The following USP21 variants were observed in gnomAD, a reference collection of about 807,000 sequenced individuals.
USP21 encodes ubiquitin carboxyl-terminal hydrolase 21.
A neutral mutation model predicts 70.8 loss-of-function variants in USP21; 37 were observed. That is an observed-to-expected ratio of 0.52 (90% confidence interval 0.40 to 0.69). The LOEUF (loss-of-function observed/expected upper bound fraction) is 0.69, where lower values mean the gene tolerates loss of function less well. Among genes scored for constraint, USP21 ranks in the 30% least tolerant of loss-of-function variants. The pLI, the probability that USP21 is intolerant of heterozygous loss-of-function variation, is 0.00. For missense variants in USP21, 584 were observed against 740.8 expected, an observed-to-expected ratio of 0.79 and a Z score of 2.46; for synonymous variants, 263 against 283.1, an observed-to-expected ratio of 0.93 and a Z score of 0.71.
intron 1 of USP21, 77 bp from the exon 2 acceptor site, chr1:161,160,289 C>T: frequency 3.4e-6 from 1 of 297,336 alleles, no homozygotes; most frequent in Admixed American, 4.7e-5. Context: ...GGGTCAAAGC[C>T]ATGGGCTGCT....
rs1190556294 is a variant in USP21, at chr1:161,160,444, G to A, written c.-84G>A. The A allele has an allele frequency of 2.9e-6, 2 of 682,950 alleles. No homozygotes were observed. The highest frequency in any genetic ancestry group is 1.8e-5 in the South Asian group (1 of 56,424). The allele number at this position is 682,950 out of a possible 1,614,324, so 42.3% of individuals were successfully genotyped here. A position where few individuals can be genotyped will look rare whatever the true frequency, so the allele number is the denominator to read the frequency against. On this transcript the variant is annotated 5_prime_UTR_variant, in exon 2 of 14. The change creates a new upstream start codon in the 5' untranslated region. Coordinates refer to ENST00000368002, the MANE Select transcript of USP21 (RefSeq NM_001014443.3). ...TATACTGCTCCCCACTTTCGTTGAT[G>A]TGGTAGTGGTGATGACTGAGCCAAC...
Position 161,163,583 on chromosome 1 carries a change from A to G in USP21, c.1078A>G (p.Lys360Glu), listed in dbSNP as rs146775306. 2.1e-4 allele frequency: 336 copies of G among 1,612,600 alleles called. No homozygotes were observed. Among genetic ancestry groups the G allele is most frequent in the Non-Finnish European group, 1.6e-4 (192 of 1,179,592 alleles). ...SDDDRANLMW[K>E]RYLEREDSKI... ...TGATGACCGAGCCAACCTAATGTGG[A>G]AACGTTACCTGGAGCGAGAGGACAG... Residue 360 changes from lysine to glutamate, a missense_variant, in exon 8 of 14, where the codon AAA becomes GAA. Transcript: ENST00000368002.
intron 1 of USP21, 92 bp from the exon 2 acceptor site, chr1:161,160,274 A>G (rs1444420015): frequency 3.8e-6 from 1 of 262,722 alleles, no homozygotes; most frequent in Non-Finnish European, 7.4e-6. Context: ...TCGGGAGTAT[A>G]GAAAGGGTCA....
intron 13 of USP21, 36 bp downstream of exon 13, chr1:161,165,179 C>T (rs1658498553): frequency 6.3e-7 from 1 of 1,579,310 alleles, no homozygotes. Flanking sequence ...CTGCCCCATT[C>T]CCACTCAGCC....
rs752768895 is a variant in USP21, at chr1:161,161,152, G to A, written c.512G>A (p.Ser171Asn). 2.5e-6 allele frequency: 4 copies of A among 1,613,904 alleles called. No individual in the cohort carries two copies. Among genetic ancestry groups the A allele is most frequent in the Admixed American group, 1.7e-5 (1 of 59,998 alleles). Residue 171 changes from serine (S) to asparagine (N), a missense_variant, in exon 3 of 14, where the codon AGC (serine) becomes AAC (asparagine). Around this residue, in one of 4 missense-constraint regions of USP21, gnomAD observed 284 missense variants for 281.0 expected, o/e 1.01. Coordinates refer to ENST00000368002, the MANE Select transcript of USP21 (RefSeq NM_001014443.3). This position sits in a 1 kb window ranked among gnomAD's most constrained non-coding sequence, Gnocchi z 4.2. ...GGFPGPPTLF[S>N]IRTEPPASHG... is the part of the protein sequence containing the mutation. ...TTTCCTGGACCCCCTACCCTGTTCA[G>A]CATACGGACAGAGCCCCCTGCTTCC...
Position 161,163,741 on chromosome 1 carries a change from G to A in USP21, c.1114+122G>A, listed in dbSNP as rs549220645. The A allele has an allele frequency of 2.2e-6, 3 of 1,346,900 alleles. No homozygotes were observed. In the South Asian group the frequency reaches 3.6e-5, roughly 16 times the overall value. The allele number at this position is 1,346,900 out of a possible 1,614,324, so 83.4% of individuals were successfully genotyped here. A position where few individuals can be genotyped will look rare whatever the true frequency, so the allele number is the denominator to read the frequency against. On this transcript the variant is annotated intron_variant, in intron 8 of 13. Transcript: ENST00000368002. The stretch of plus-strand genomic sequence containing the variant: ...GACTGGATGATGCAAATGTGAAGCT[G>A]TGTGAAGAGTTGATTAGGAGTGTTG...
Position 161,162,427 on chromosome 1 carries a change from C to G in USP21, c.781+37C>G. On this transcript the variant is annotated intron_variant, in intron 5 of 13. Coordinates refer to ENST00000368002, the MANE Select transcript of USP21 (RefSeq NM_001014443.3). The surrounding 1 kb of genome is among the most constrained non-coding windows in gnomAD (Gnocchi z 4.1). ...ACTCCTGCTCCCTCTGTTCAAGTCC[C>G]TTTTTCCCCAACCACTTGCAGGTCC... The G allele has an allele frequency of 5.1e-6, 8 of 1,572,112 alleles. No individual in the cohort carries two copies. The highest frequency in any genetic ancestry group is 6.9e-6 in the Non-Finnish European group (8 of 1,157,266).
chr1:161,162,884 G>C lies in USP21; in HGVS notation c.894-35G>C. On this transcript the variant is annotated intron_variant, in intron 6 of 13. Coordinates refer to ENST00000368002, the MANE Select transcript of USP21 (RefSeq NM_001014443.3). This position sits in a 1 kb window ranked among gnomAD's most constrained non-coding sequence, Gnocchi z 4.1. ...GGAATAGTGTCTGTGGACTAGGAGA[G>C]GAGTCAGTTGCCCATACTCTTTGTC... 1.3e-6 allele frequency: 2 copies of C among 1,598,738 alleles called. No homozygotes were observed. The highest frequency in any genetic ancestry group is 1.7e-6 in the Non-Finnish European group (2 of 1,170,796).
Position 161,160,656 on chromosome 1 carries a change from G to C in USP21, c.16G>C (p.Glu6Gln). MPQAS[E>Q]HRLGRTREPP... is the part of the protein sequence containing the mutation. ...GGTGTCCACAATGCCCCAGGCCTCT[G>C]AGCACCGCCTGGGCCGTACCCGAGA... is the stretch of plus-strand genomic sequence containing the variant. The change falls in exon 3 of 14, where the codon GAG becomes CAG. Residue 6 changes from glutamate (E) to glutamine (Q), a missense_variant. By Grantham distance (29) the Glu-to-Gln change is conservative. Transcript: ENST00000368002. 1 of 1,613,172 alleles carries C rather than the reference G, an allele frequency of 6.2e-7. No individual in the cohort carries two copies. The highest frequency in any genetic ancestry group is 8.5e-7 in the Non-Finnish European group (1 of 1,179,358).
At position 161,165,564 on chromosome 1, in the gene USP21, G is replaced by T; in HGVS notation, c.*117G>T. The T allele has an allele frequency of 9.3e-5, 30 of 322,644 alleles. No individual in the cohort carries two copies. Among genetic ancestry groups the T allele is most frequent in the East Asian group, 2.5e-4 (3 of 11,906 alleles). 20.0% of individuals were successfully genotyped at this position (322,644 alleles called of 1,614,324 possible). A position where few individuals can be genotyped will look rare whatever the true frequency, so the allele number is the denominator to read the frequency against. On this transcript the variant is annotated 3_prime_UTR_variant, in exon 14 of 14. Coordinates refer to ENST00000368002, the MANE Select transcript of USP21 (RefSeq NM_001014443.3). ...TTTAATCGGGGAGGGGGGAGGGGGTGGTTGTAGCTCCATTATTTTTTTTAT... is the reference window on the plus strand; with the variant it reads ...TTTAATCGGGGAGGGGGGAGGGGGTTGTTGTAGCTCCATTATTTTTTTTAT...
In USP21 at chr1:161,164,577, T is replaced by C; in HGVS notation, c.1349T>C (p.Leu450Ser). ...CAGAAAACTCGAAGTACCAAAAAGT[T>C]GACAGTACAAAGATTCCCTCGAATC... The part of the protein sequence containing the change: ...CRQKTRSTKK[L>S]TVQRFPRILV... The change falls in exon 11 of 14, where the codon TTG becomes TCG. Residue 450 changes from leucine (L) to serine (S), a missense_variant. Physicochemically the swap from Leu to Ser is moderately radical, Grantham distance 145. Transcript: ENST00000368002. This position sits in a 1 kb window ranked among gnomAD's most constrained non-coding sequence, Gnocchi z 4.2. The C allele has an allele frequency of 6.2e-7, 1 of 1,614,200 alleles. No homozygotes were observed. The highest frequency in any genetic ancestry group is 8.5e-7 in the Non-Finnish European group (1 of 1,180,036).
chr1:161,162,137 G>A lies in USP21; in HGVS notation c.660+40G>A. ...CCTATCTTTCCTCTCTAAAAGGAAT[G>A]TGAAATGGTGCTGGGGGTGGGGAAA... is the stretch of plus-strand genomic sequence containing the variant. On this transcript the variant is annotated intron_variant, in intron 4 of 13. Transcript: ENST00000368002. This position sits in a 1 kb window ranked among gnomAD's most constrained non-coding sequence, Gnocchi z 4.1. 6.2e-7 allele frequency: 1 copy of A among 1,613,648 alleles called. No individual in the cohort carries two copies. The highest frequency in any genetic ancestry group is 8.5e-7 in the Non-Finnish European group (1 of 1,179,568).
In USP21 at chr1:161,162,438, A is replaced by C. The variant is rs777261646; in HGVS notation, c.781+48A>C. ...CTCTGTTCAAGTCCCTTTTTCCCCA[A>C]CCACTTGCAGGTCCATCTGCCACTG... On this transcript the variant is annotated intron_variant, in intron 5 of 13. Coordinates refer to ENST00000368002, the MANE Select transcript of USP21 (RefSeq NM_001014443.3). The surrounding 1 kb of genome is among the most constrained non-coding windows in gnomAD (Gnocchi z 4.1). 19 of 1,566,750 alleles carry C rather than the reference A, an allele frequency of 1.2e-5. No individual in the cohort carries two copies. The highest frequency in any genetic ancestry group is 1.6e-5 in the Non-Finnish European group (19 of 1,154,838).
chr1:161,164,233 G>C lies in USP21; in HGVS notation c.1288G>C (p.Glu430Gln). ...FNLFTKEEELESENAPVCDRC... is the reference protein window; with the variant it reads ...FNLFTKEEELQSENAPVCDRC... ...CCTTTTCACTAAGGAAGAAGAGCTA[G>C]AGTCGGAGAATGCCCCAGTATGTGG... The change falls in exon 10 of 14, where the codon GAG (glutamate) becomes CAG (glutamine). Residue 430 changes from glutamate to glutamine, a missense_variant. This residue lies in a region of USP21 where 173 missense variants were observed against 268.2 expected (regional missense o/e 0.65). Transcript: ENST00000368002. The surrounding 1 kb of genome is among the most constrained non-coding windows in gnomAD (Gnocchi z 4.2). 1.2e-6 allele frequency: 2 copies of C among 1,614,222 alleles called. No individual in the cohort carries two copies. Among genetic ancestry groups the C allele is most frequent in the Non-Finnish European group, 1.7e-6 (2 of 1,180,042 alleles).
intron 13 of USP21, 25 bp from the exon 14 acceptor site, chr1:161,165,332 C>T (rs1210829607): frequency 6.2e-7 from 1 of 1,607,344 alleles, no homozygotes; most frequent in East Asian, 2.2e-5. Context: ...GACCACAACC[C>T]TTTCCCGATC....
At position 161,159,698 on chromosome 1, in the gene USP21, G is replaced by C. The variant is rs1298282942; in HGVS notation, c.-163+20G>C. Reference sequence around the variant, plus strand: ...GGACAGGTACGGGCCGGGGCGTTATGGCATGGCGGGGTGTGGGGGGGCGCA... The same window carrying C: ...GGACAGGTACGGGCCGGGGCGTTATCGCATGGCGGGGTGTGGGGGGGCGCA... On this transcript the variant is annotated intron_variant, in intron 1 of 13. Coordinates refer to ENST00000368002, the MANE Select transcript of USP21 (RefSeq NM_001014443.3). The C allele has an allele frequency of 6.6e-6, 1 of 152,374 alleles. No individual in the cohort carries two copies. Among genetic ancestry groups the C allele is most frequent in the Non-Finnish European group, 1.5e-5 (1 of 68,284 alleles). 9.4% of individuals were successfully genotyped at this position (152,374 alleles called of 1,614,324 possible). A position where few individuals can be genotyped will look rare whatever the true frequency, so the allele number is the denominator to read the frequency against.
rs375476473 is a variant in USP21, at chr1:161,160,967, C to T, written c.327C>T (p.Ala109=). 9 of 1,614,116 alleles carry T rather than the reference C, an allele frequency of 5.6e-6. No homozygotes were observed. The highest frequency in any genetic ancestry group is 1.3e-5 in the African/African-American group (1 of 74,932). ...CTCTCCCATCTCGGACCAACTTAGC[C>T]CGTTCCAAGTCTGTGAGCAGTGGGG... is the stretch of plus-strand genomic sequence containing the variant. ...ALPLPSRTNL[A]RSKSVSSGDL... Residue 109 remains alanine (A), a synonymous_variant, in exon 3 of 14, where the codon GCC becomes GCT. Transcript: ENST00000368002.
chr1:161,164,853 CCTCCCGAGG>C lies in USP21; in HGVS notation c.1408_1416del (p.Arg470_Ser472del). The C allele has an allele frequency of 6.2e-7, 1 of 1,613,794 alleles. No individual in the cohort carries two copies. The highest frequency in any genetic ancestry group is 8.5e-7 in the Non-Finnish European group (1 of 1,179,836). ...GGCTTAGATCTGAATCGATTTTCTG[CCTCCCGAGG>C]CTCCATCAAAAAAAGTTCAGTAGGT... On this transcript the variant is annotated inframe_deletion, in exon 12 of 14. Coordinates refer to ENST00000368002, the MANE Select transcript of USP21 (RefSeq NM_001014443.3). The surrounding 1 kb of genome is among the most constrained non-coding windows in gnomAD (Gnocchi z 4.2).
rs781391210 is a variant in USP21, at chr1:161,163,919, G to T, written c.1156G>T (p.Ala386Ser). ...GQLKSCLKCQ[A>S]CGYRSTTFEV... is the part of the protein sequence containing the mutation. The stretch of plus-strand genomic sequence containing the variant: ...GTTGAAAAGTTGTCTCAAGTGCCAG[G>T]CCTGTGGGTATCGCTCCACGACCTT... The change falls in exon 9 of 14, where the codon GCC becomes TCC. Residue 386 changes from alanine (A) to serine (S), a missense_variant. By Grantham distance (99) the Ala-to-Ser change is moderately conservative (BLOSUM62 1). Transcript: ENST00000368002. 15 of 1,614,068 alleles carry T rather than the reference G, an allele frequency of 9.3e-6. No homozygotes were observed. Among genetic ancestry groups the T allele is most frequent in the African/African-American group, 2.7e-5 (2 of 74,918 alleles).
Sources: allele counts gnomAD v4.1 joint callset, GRCh38; gene constraint gnomAD v4.1.1; regional missense constraint gnomAD v4.1.1; non-coding constraint Gnocchi (gnomAD v3.1); transcripts MANE v1.5; gene names NCBI Gene and HGNC (gene_info 2026-07-23, HGNC 2026-07-21).